DMXL1: variants seen among roughly 807,000 people sequenced by gnomAD.
DMXL1 encodes the protein Dmx like 1, also known as dmX-like protein 1.
Under a neutral mutation model 319.2 loss-of-function variants are expected in DMXL1, and 99 were observed. The observed-to-expected ratio is 0.31, with a 90% CI of 0.26 to 0.37. DMXL1 has a LOEUF of 0.37. DMXL1 is among the 10% of genes least tolerant of loss of function. The pLI is 1.00. For missense variants in DMXL1, 3,745 were observed against 3,595.6 expected (o/e 1.04, Z -1.06); for synonymous variants, 1,385 against 1,235.2 (o/e 1.12, Z -2.54).
intron 1 of DMXL1, among the ~76,000 whole-genome samples, chr5:119,086,312 C>A (rs889321330): frequency 6.6e-6 from 1 of 152,128 alleles, no homozygotes; most frequent in Non-Finnish European, 1.5e-5. Context: ...TATGGGAGTA[C>A]CATTCAAGAT....
chr5:119,115,758 A>G (rs1014933302), intron 6 of DMXL1, among the ~76,000 whole-genome samples: 1 of 152,190 alleles, frequency 6.6e-6, no homozygotes, highest in Non-Finnish European at 1.5e-5. Context: ...AAGTCACATG[A>G]AAATTCATGA....
Position 119,133,279 on chromosome 5 carries a change from A to G in DMXL1, c.1463A>G (p.Lys488Arg). 6 of 1,614,126 alleles carry G rather than the reference A, an allele frequency of 3.7e-6. No homozygotes were observed. The South Asian group carries it at 5.5e-5, about 15-fold the overall frequency. ...GAAGTACTTCTGTCTGAATGGAGTA[A>G]AAATGCAGATATGCTATTTAGTATT... ...QIEVLLSEWSKNADMLFSIHP... is the reference protein window; with the variant it reads ...QIEVLLSEWSRNADMLFSIHP... Residue 488 changes from lysine to arginine, a missense_variant, in exon 11 of 44, where the codon AAA (lysine) becomes AGA (arginine). By Grantham distance (26) the Lys-to-Arg change is conservative. Coordinates refer to ENST00000539542, the MANE Select transcript of DMXL1 (RefSeq NM_001290321.3).
Position 119,134,024 on chromosome 5 carries a change from A to G in DMXL1, c.2100A>G (p.Ala700=). Residue 700 remains alanine (A), a synonymous_variant, in exon 12 of 44, where the codon GCA becomes GCG. Coordinates refer to ENST00000539542, the MANE Select transcript of DMXL1 (RefSeq NM_001290321.3). ...ACGTGGCATTTCAGGATCCCAGTGCAGTTTACAGTGAGCTTATTCTGTGGA... is the reference window on the plus strand; with the variant it reads ...ACGTGGCATTTCAGGATCCCAGTGCGGTTTACAGTGAGCTTATTCTGTGGA... ...TVDVAFQDPS[A]VYSELILWRV... is the part of the protein sequence containing the mutation. 1 of 1,614,204 alleles carries G rather than the reference A, an allele frequency of 6.2e-7. No individual in the cohort carries two copies.
intron 34 of DMXL1, among the ~76,000 whole-genome samples, chr5:119,212,175 A>T (rs977692655): frequency 3.9e-5 from 6 of 152,114 alleles, no homozygotes; most frequent in Admixed American, 1.3e-4. Context: ...ATCCTCTCCA[A>T]ACTGAAACTT....
chr5:119,169,461 T>C (rs1192413029), intron 23 of DMXL1, among the ~76,000 whole-genome samples: 2 of 152,054 alleles, frequency 1.3e-5, no homozygotes, highest in Non-Finnish European at 2.9e-5. Flanking sequence ...GATTGAACAA[T>C]AGGTAGATGA....
chr5:119,174,794 C>G (rs1183677335), intron 25 of DMXL1, among the ~76,000 whole-genome samples: 1 of 151,126 alleles, frequency 6.6e-6, no homozygotes, highest in African/African-American at 2.4e-5. Flanking sequence ...TTCTCTTTCT[C>G]TTTCCTCTAG....
intron 2 of DMXL1, 42 bp downstream of exon 2, chr5:119,098,146 G>T (rs1365297819): frequency 4.4e-6 from 7 of 1,577,330 alleles, no homozygotes; most frequent in East Asian, 2.3e-5. Context: ...TTTGGAATAT[G>T]GTTTTTGTCA....
chr5:119,111,005 T>G (rs1393723424), intron 5 of DMXL1, among the ~76,000 whole-genome samples: 1 of 152,164 alleles, frequency 6.6e-6, no homozygotes, highest in African/African-American at 2.4e-5. Flanking sequence ...GCCAGGCTGG[T>G]CTTGAACTCC....
intron 24 of DMXL1, 91 bp downstream of exon 24, chr5:119,171,371 T>C (rs1774508428): frequency 7.6e-7 from 1 of 1,310,712 alleles, no homozygotes; most frequent in East Asian, 2.4e-5. Context: ...GACTTGATTT[T>C]CTTTATTACG....
intron 1 of DMXL1, among the ~76,000 whole-genome samples, chr5:119,074,216 G>A (rs769990038): frequency 1.3e-4 from 20 of 152,230 alleles, no homozygotes; most frequent in Non-Finnish European, 2.1e-4. Context: ...ACTGCACCCA[G>A]CCTTGAGTGT....
chr5:119,221,019 C>T lies in DMXL1; in HGVS notation c.8215C>T (p.Pro2739Ser), dbSNP rs763787687. The stretch of plus-strand genomic sequence containing the variant: ...TACAACTCCATATACACATAGCAAT[C>T]CTGGCACTCCAATCAACATGCCATG... Reference protein sequence around the residue: ...QGTTPYTHSNPGTPINMPWLG... With the variant: ...QGTTPYTHSNSGTPINMPWLG... Residue 2739 changes from proline (P) to serine (S), a missense_variant, in exon 37 of 44, where the codon CCT (proline) becomes TCT (serine). Around this residue, in one of 4 missense-constraint regions of DMXL1, gnomAD observed 1,382 missense variants for 1,269.5 expected, o/e 1.09. Transcript: ENST00000539542. 3 of 1,613,810 alleles carry T rather than the reference C, an allele frequency of 1.9e-6. No individual in the cohort carries two copies. Among genetic ancestry groups the T allele is most frequent in the South Asian group, 2.2e-5 (2 of 91,066 alleles).
intron 25 of DMXL1, among the ~76,000 whole-genome samples, chr5:119,173,815 T>TATATATATATATA (rs1554127694): frequency 7.5e-6 from 1 of 132,880 alleles, no homozygotes. Flanking sequence ...GAGAGATTTA[T>TATATATATATATA]TATAAGGAAT....
At chr5:119,217,260 T>G (rs758378928) in intron 35 of DMXL1, among the ~76,000 whole-genome samples, 28 of 152,178 alleles carry the variant, frequency 1.8e-4, no homozygotes, top group Non-Finnish European at 1.6e-4. Flanking sequence ...ATTTATACAA[T>G]GTACTATAGT....
chr5:119,204,114 G>A (rs1247843371), intron 33 of DMXL1, among the ~76,000 whole-genome samples: 5 of 151,956 alleles, frequency 3.3e-5, no homozygotes, highest in East Asian at 3.9e-4. Context: ...GAACCACCAC[G>A]CCCGGCCTGA....
chr5:119,172,080 A>T, intron 25 of DMXL1, 111 bp downstream of exon 25: 1 of 949,500 alleles, frequency 1.1e-6, no homozygotes, highest in East Asian at 2.9e-5. Flanking sequence ...AAGCATAGCA[A>T]TTGTTACATT....
intron 13 of DMXL1, among the ~76,000 whole-genome samples, chr5:119,143,219 T>TA (rs1032359547): frequency 8.6e-5 from 13 of 151,668 alleles, no homozygotes; most frequent in Non-Finnish European, 1.0e-4. Flanking sequence ...CAATGAAAGT[T>TA]AAAAAAAATT....
In DMXL1 at chr5:119,149,367, C is replaced by G. The variant is rs376085278; in HGVS notation, c.3540C>G (p.Thr1180=). The change falls in exon 18 of 44, where the codon ACC becomes ACG. Residue 1180 remains threonine, a synonymous_variant. Coordinates refer to ENST00000539542, the MANE Select transcript of DMXL1 (RefSeq NM_001290321.3). ...TACAAGACCAAACTGGTAAGGAAAC[C>G]CTGGCATTTCCTCTCTGGGAGAGTA... is the stretch of plus-strand genomic sequence containing the variant. ...GKVQDQTGKE[T]LAFPLWESTK... 27 of 1,613,816 alleles carry G rather than the reference C, an allele frequency of 1.7e-5. No individual in the cohort carries two copies. Among genetic ancestry groups the G allele is most frequent in the Non-Finnish European group, 2.1e-5 (25 of 1,179,830 alleles).
chr5:119,182,395 G>A (rs1776938131), intron 28 of DMXL1, among the ~76,000 whole-genome samples: 1 of 152,052 alleles, frequency 6.6e-6, no homozygotes, highest in African/African-American at 2.4e-5. Flanking sequence ...GAAATACATT[G>A]TATATTGAAG....
chr5:119,196,304 A>C (rs1779611328), intron 30 of DMXL1, 67 bp from the exon 31 acceptor site: 3 of 1,232,108 alleles, frequency 2.4e-6, no homozygotes, highest in Non-Finnish European at 1.2e-6. Context: ...TGTTGAGTCA[A>C]AGGGTAGTAT....
Sources: gnomAD v4.1 joint callset for allele counts (sites outside exome capture counted in the v4.1 genomes callset) on GRCh38, gnomAD v4.1.1 for gene constraint, gnomAD v4.1.1 regional missense constraint, MANE v1.5 for transcripts, NCBI Gene and HGNC (gene_info 2026-07-23, HGNC 2026-07-21) for gene names.